The following NBPF11 variants were observed in gnomAD, a reference collection of about 807,000 sequenced individuals.
The protein encoded by NBPF11 is NBPF family member NBPF11.
Under a neutral mutation model 93.9 loss-of-function variants are expected in NBPF11, and 72 were observed. The observed-to-expected ratio is 0.77, with a 90% CI of 0.63 to 0.93. The LOEUF (loss-of-function observed/expected upper bound fraction) is 0.93, where lower values mean the gene tolerates loss of function less well. Ranked by LOEUF, NBPF11 falls within the 40% of genes least tolerant of loss-of-function variation. The pLI, the probability that NBPF11 is intolerant of heterozygous loss-of-function variation, is 0.00. For missense variants in NBPF11, 705 were observed against 802.2 expected (o/e 0.88, Z 1.46); for synonymous variants, 224 against 304.9 (o/e 0.73, Z 2.76).
intron 1 of NBPF11, chr1:148,149,257 G>C (rs1311964537): frequency 1.9e-6 from 3 of 1,595,692 alleles, no homozygotes; most frequent in East Asian, 2.2e-5. Flanking sequence ...GTGCCGCGGT[G>C]GTGCTGCACT....
intron 1 of NBPF11, chr1:148,146,610 G>A (rs1673137857): frequency 6.2e-7 from 1 of 1,610,624 alleles, no homozygotes; most frequent in Non-Finnish European, 8.5e-7. Flanking sequence ...ACCTGACGGA[G>A]CGTGCCGACT....
chr1:148,118,803 T>C (rs1667175015), intron 10 of NBPF11, 81 bp from the exon 11 acceptor site: 1 of 1,103,760 alleles, frequency 9.1e-7, no homozygotes, highest in African/African-American at 1.6e-5. Flanking sequence ...AGGAGCCAGG[T>C]CCATCCCAAG....
chr1:148,104,413 C>A, intron 23 of NBPF11, 124 bp downstream of exon 23: 3 of 636,268 alleles, frequency 4.7e-6, no homozygotes, highest in South Asian at 1.9e-5. Context: ...AAACCAACAA[C>A]AATGACAGTA....
intron 4 of NBPF11, chr1:148,129,559 A>G (rs1279561582): frequency 6.4e-5 from 10 of 156,632 alleles, no homozygotes; most frequent in African/African-American, 2.4e-4. Flanking sequence ...ACAAGGACCC[A>G]CCTTCCATCT....
At chr1:148,135,610 C>T (rs1671150169) in intron 4 of NBPF11, 62 bp downstream of exon 4, 2 of 548,448 alleles carry the variant, frequency 3.6e-6, no homozygotes, top group Non-Finnish European at 6.4e-6. Context: ...AAGGACACAT[C>T]TCTGCCCTGG....
At chr1:148,116,691 T>C (rs1666637568) in intron 12 of NBPF11, among the ~76,000 whole-genome samples, 156 bp from the exon 13 acceptor site, 1 of 151,456 alleles carries the variant, frequency 6.6e-6, no homozygotes, top group Non-Finnish European at 1.5e-5. Flanking sequence ...CCTGGCATGG[T>C]TTCCTGGTCC....
At chr1:148,146,428 CTCT>C in intron 1 of NBPF11, 1 of 1,603,928 alleles carries the variant, frequency 6.2e-7, no homozygotes, top group Admixed American at 1.7e-5. Flanking sequence ...GCTCTGCTGC[CTCT>C]TCTGCTGCCC....
At chr1:148,150,812 C>T (rs1648112739) in intron 1 of NBPF11, among the ~76,000 whole-genome samples, 1 of 151,108 alleles carries the variant, frequency 6.6e-6, no homozygotes, top group South Asian at 2.1e-4. Context: ...ACTGCAACCT[C>T]CGCCTCCCAG....
chr1:148,148,366 G>A (rs1418128641), intron 1 of NBPF11, among the ~76,000 whole-genome samples: 2 of 152,178 alleles, frequency 1.3e-5, no homozygotes, highest in Non-Finnish European at 2.9e-5. Context: ...GTGGGGTCCC[G>A]GCATGGGCAG....
Position 148,108,486 on chromosome 1 carries a change from C to G in NBPF11, c.2022G>C (p.Met674Ile), listed in dbSNP as rs199884929. The G allele has an allele frequency of 3.2e-6, 5 of 1,554,990 alleles. No homozygotes were observed. The highest frequency in any genetic ancestry group is 4.4e-6 in the Non-Finnish European group (5 of 1,130,258). ...CCTTCATAGAAAGGTACTCACCATC[C>G]ATGTCAACAGCCAAGCCAATACGCT... Reference protein sequence around the residue: ...EQQRIGLAVDMDEIEKYQEVE... With the variant: ...EQQRIGLAVDIDEIEKYQEVE... The change falls in exon 18 of 24, where the codon ATG (methionine) becomes ATC (isoleucine). Residue 674 changes from methionine to isoleucine, a missense_variant. Physicochemically the swap from Met to Ile is conservative, Grantham distance 10. Around this residue, in one of 12 missense-constraint regions of NBPF11, gnomAD observed 97 missense variants for 65.0 expected, o/e 1.49. Transcript: ENST00000682118.
At position 148,124,876 on chromosome 1, in the gene NBPF11, C is replaced by G. The variant is rs782351499; in HGVS notation, c.278+23G>C. On this transcript the variant is annotated intron_variant, in intron 6 of 23. Transcript: ENST00000682118. The stretch of plus-strand genomic sequence containing the variant: ...GAGATCTACACACCTACCTGCCTGT[C>G]TCCCCCTACGGGGTCCCCTCACCTG... 8.1e-6 allele frequency: 13 copies of G among 1,606,412 alleles called. No homozygotes were observed. The South Asian group carries it at 1.4e-4, about 18-fold the overall frequency.
intron 23 of NBPF11, 44 bp from the exon 24 acceptor site, chr1:148,103,956 G>C: frequency 6.2e-7 from 1 of 1,610,318 alleles, no homozygotes; most frequent in Non-Finnish European, 8.5e-7. Flanking sequence ...GGGAAAATCA[G>C]ACACCACAGA....
In NBPF11 at chr1:148,122,803, T is replaced by A; in HGVS notation, c.494-2A>T. 1 of 1,609,874 alleles carries A rather than the reference T, an allele frequency of 6.2e-7. No homozygotes were observed. The highest frequency in any genetic ancestry group is 1.1e-5 in the South Asian group (1 of 90,936). On this transcript the variant is annotated splice_acceptor_variant, in intron 7 of 23. Coordinates refer to ENST00000682118, the MANE Select transcript of NBPF11 (RefSeq NM_001385469.3). LOFTEE classifies it high-confidence loss of function. ...CTTCATCCTCATCTTCGTCATTTTC[T>A]ATAAATACAAAATGTTCGTTCAGAT...
In NBPF11 at chr1:148,124,878, C is replaced by A. The variant is rs1248826751; in HGVS notation, c.278+21G>T. On this transcript the variant is annotated intron_variant, in intron 6 of 23. Transcript: ENST00000682118. ...GATCTACACACCTACCTGCCTGTCT[C>A]CCCCTACGGGGTCCCCTCACCTGAG... The A allele has an allele frequency of 5.0e-6, 8 of 1,606,864 alleles. No individual in the cohort carries two copies. In the African/African-American group the frequency reaches 6.7e-5, roughly 13 times the overall value.
At position 148,127,023 on chromosome 1, in the gene NBPF11, G is replaced by A. The variant is rs1160489596; in HGVS notation, c.-20C>T. 12 of 651,042 alleles carry A rather than the reference G, an allele frequency of 1.8e-5. No homozygotes were observed. Among genetic ancestry groups the A allele is most frequent in the Middle Eastern group, 4.0e-4 (1 of 2,510 alleles). The allele number at this position is 651,042 out of a possible 1,614,324, so 40.3% of individuals were successfully genotyped here. On this transcript the variant is annotated 5_prime_UTR_variant, in exon 5 of 24. Coordinates refer to ENST00000682118, the MANE Select transcript of NBPF11 (RefSeq NM_001385469.3). ...CACCATGCTGACGTTTGTGGCAGAA[G>A]AGGTGGAGTCAGGGACTGGGGAGAA...
At chr1:148,121,986 A>G (rs1240937446) in intron 9 of NBPF11, 69 bp downstream of exon 9, 10 of 963,642 alleles carry the variant, frequency 1.0e-5, no homozygotes, top group Non-Finnish European at 1.5e-5. Context: ...GTGTATATAC[A>G]GCCTGTCCTC....
rs1489824445 is a variant in NBPF11 at position 148,106,251 on chromosome 1, G to A, written c.2252-19C>T. ...TTAATTCCTGCAATACATTCAGACA[G>A]GGACAGACAAAATAAGCCAATTCAC... On this transcript the variant is annotated intron_variant, in intron 20 of 23. Transcript: ENST00000682118. 7.8e-6 allele frequency: 5 copies of A among 639,518 alleles called. No homozygotes were observed. Among genetic ancestry groups the A allele is most frequent in the Middle Eastern group, 4.2e-4 (1 of 2,368 alleles). 39.6% of individuals were successfully genotyped at this position (639,518 alleles called of 1,614,324 possible). A position where few individuals can be genotyped will look rare whatever the true frequency, so the allele number is the denominator to read the frequency against.
At position 148,122,111 on chromosome 1, in the gene NBPF11, A is replaced by G. The variant is rs1668016916; in HGVS notation, c.722T>C (p.Val241Ala). Residue 241 changes from valine (V) to alanine (A), a missense_variant, in exon 9 of 24, where the codon GTT becomes GCT. Physicochemically the swap from Val to Ala is moderately conservative, Grantham distance 64. Coordinates refer to ENST00000682118, the MANE Select transcript of NBPF11 (RefSeq NM_001385469.3). ...ATCATGAGAGGATTCTCTGTCTACAACCAGAGATGAGTTGACTTTGTCTTC... is the reference window on the plus strand; with the variant it reads ...ATCATGAGAGGATTCTCTGTCTACAGCCAGAGATGAGTTGACTTTGTCTTC... ...FEEDKVNSSL[V>A]VDRESSHDGC... is the part of the protein sequence containing the mutation. 1 of 1,613,146 alleles carries G rather than the reference A, an allele frequency of 6.2e-7. No individual in the cohort carries two copies. Among genetic ancestry groups the G allele is most frequent in the Non-Finnish European group, 8.5e-7 (1 of 1,179,280 alleles).
intron 3 of NBPF11, among the ~76,000 whole-genome samples, chr1:148,137,100 C>G (rs1671423948): frequency 6.6e-6 from 1 of 152,056 alleles, no homozygotes; most frequent in South Asian, 2.1e-4. Context: ...GATGAGACAC[C>G]ATTCCTGTGA....
Sources: gnomAD v4.1 joint callset for allele counts (sites outside exome capture counted in the v4.1 genomes callset) on GRCh38, gnomAD v4.1.1 for gene constraint, gnomAD v4.1.1 regional missense constraint, MANE v1.5 for transcripts, NCBI Gene and HGNC (gene_info 2026-07-23, HGNC 2026-07-21) for gene names.